Variants in CFAP70 observed in about 807,000 individuals in gnomAD.
CFAP70 encodes cilia- and flagella-associated protein 70.
A neutral mutation model predicts 137.6 loss-of-function variants in CFAP70; 81 were observed. The observed-to-expected ratio is 0.59, with a 90% CI of 0.49 to 0.71. The LOEUF (loss-of-function observed/expected upper bound fraction) is 0.71. CFAP70 is among the 30% of genes least tolerant of loss of function. The probability of loss-of-function intolerance (pLI) is 0.00; values close to 1 mark genes in which losing one functional copy is unlikely to be tolerated. For synonymous variants in CFAP70, 382 were observed against 423.6 expected, an observed-to-expected ratio of 0.90 and a Z score of 1.20; for missense variants, 976 against 1,226.7, an observed-to-expected ratio of 0.80 and a Z score of 3.05.
chr10:73,306,989 T>C (rs1402864357), intron 12 of CFAP70, among the ~76,000 whole-genome samples: 1 of 152,174 alleles, frequency 6.6e-6, no homozygotes, highest in Non-Finnish European at 1.5e-5. Flanking sequence ...CTCTTTTTTT[T>C]GATGACAAAT....
intron 21 of CFAP70, chr10:73,277,017 T>C (rs901333425): frequency 2.6e-5 from 10 of 380,558 alleles, no homozygotes; most frequent in Non-Finnish European, 3.3e-5. Context: ...TTTAGCTCTG[T>C]TGGTATTCTA....
exon 25 of CFAP70, chr10:73,269,639 G>C: frequency 6.2e-7 from 1 of 1,613,280 alleles, no homozygotes; most frequent in Non-Finnish European, 8.5e-7. Flanking sequence ...AGCCAGATAT[G>C]CCCATACTTC....
At chr10:73,280,609 G>A (rs1382901811) in intron 19 of CFAP70, among the ~76,000 whole-genome samples, 1 of 152,112 alleles carries the variant, frequency 6.6e-6, no homozygotes, top group Non-Finnish European at 1.5e-5. Flanking sequence ...AGGAGATATA[G>A]GGCTATTCAG....
At chr10:73,327,684 T>C (rs1479960023) in intron 8 of CFAP70, among the ~76,000 whole-genome samples, 1 of 152,078 alleles carries the variant, frequency 6.6e-6, no homozygotes, top group Non-Finnish European at 1.5e-5. Context: ...AGCATTCTTA[T>C]ACACCAATAA....
At chr10:73,291,984 G>A (rs267602572) in exon 17 of CFAP70, 14 of 1,614,174 alleles carry the variant, frequency 8.7e-6, no homozygotes, top group Non-Finnish European at 1.1e-5. Flanking sequence ...TCCAACCAGT[G>A]ATCCAGATTC....
rs539417737 is a variant in CFAP70, at chr10:73,284,739, CATATATATATATAT to C, written c.2240-6416_2240-6403del. On this transcript the variant is annotated intron_variant, in intron 19 of 26. Transcript: ENST00000310715. Reference sequence around the variant, plus strand: ...CCTATGGGCCATATATGACCTGCCACATATATATATATATATATATATATATATATATATATATA... The same window carrying C: ...CCTATGGGCCATATATGACCTGCCACATATATATATATATATATATATATA... 4.2e-3 allele frequency among the ~76,000 whole-genome samples: 116 copies of C among 27,402 alleles called. 3 individuals are homozygous for C. Among genetic ancestry groups the C allele is most frequent in the East Asian group, 5.9e-3 (2 of 338 alleles). 18.0% of individuals were successfully genotyped at this position (27,402 alleles called of 152,430 possible). A position where few individuals can be genotyped will look rare whatever the true frequency, so the allele number is the denominator to read the frequency against.
intron 13 of CFAP70, 146 bp from the exon 15 acceptor site, chr10:73,299,247 G>A (rs1357583902): frequency 8.8e-6 from 6 of 682,068 alleles, no homozygotes; most frequent in African/African-American, 1.8e-5. Context: ...GGTCTCTCTC[G>A]CCCAGGCTGG....
chr10:73,262,395 GTAT>G (rs2045342995), intron 25 of CFAP70, among the ~76,000 whole-genome samples: 1 of 152,014 alleles, frequency 6.6e-6, no homozygotes, highest in African/African-American at 2.4e-5. Flanking sequence ...CACAGTGCTT[GTAT>G]TCAAGCCACC....
At chr10:73,267,578 A>T (rs1371205125) in intron 25 of CFAP70, among the ~76,000 whole-genome samples, 4 of 152,258 alleles carry the variant, frequency 2.6e-5, no homozygotes, top group South Asian at 2.1e-4. Flanking sequence ...GGATGTGGAC[A>T]TGACAGCATA....
chr10:73,288,724 T>G (rs1390454973), intron 19 of CFAP70, among the ~76,000 whole-genome samples: 1 of 152,210 alleles, frequency 6.6e-6, no homozygotes, highest in Admixed American at 6.5e-5. Context: ...GGGTATGGCA[T>G]ATGACTTCTC....
intron 25 of CFAP70, among the ~76,000 whole-genome samples, chr10:73,257,876 CTTTTT>C (rs745485451): frequency 1.5e-5 from 2 of 129,926 alleles, no homozygotes; most frequent in Non-Finnish European, 1.6e-5. Flanking sequence ...CCTTTTCCTT[CTTTTT>C]TTTTTTTTTT....
At chr10:73,277,028 C>A in intron 21 of CFAP70, 1 of 417,792 alleles carries the variant, frequency 2.4e-6, no homozygotes, top group Non-Finnish European at 4.2e-6. Flanking sequence ...TGGTATTCTA[C>A]AGGGAGCAGA....
At chr10:73,328,220 G>C (rs1398986581) in intron 8 of CFAP70, among the ~76,000 whole-genome samples, 12 of 152,134 alleles carry the variant, frequency 7.9e-5, no homozygotes, top group Non-Finnish European at 8.8e-5. Flanking sequence ...ACAAACCTGA[G>C]AAAAACAAGC....
chr10:73,323,092 A>G, exon 9 of CFAP70: 2 of 1,612,310 alleles, frequency 1.2e-6, no homozygotes, highest in Non-Finnish European at 1.7e-6. Flanking sequence ...GAGCTTCTTC[A>G]TCAGTCTAAA....
chr10:73,290,764 A>G (rs919733968), intron 19 of CFAP70, among the ~76,000 whole-genome samples: 1 of 152,020 alleles, frequency 6.6e-6, no homozygotes, highest in African/African-American at 2.4e-5. Context: ...GTGAGGGGGG[A>G]AAAATGAAAT....
intron 2 of CFAP70, 102 bp downstream of exon 2, chr10:73,354,632 T>G (rs1002283655): frequency 2.2e-6 from 2 of 899,768 alleles, no homozygotes; most frequent in East Asian, 2.6e-5. Context: ...CACTGCTACA[T>G]AAAGCCAGGA....
intron 15 of CFAP70, chr10:73,295,344 AAAGAAATG>A (rs2048461157): frequency 6.7e-6 from 1 of 148,790 alleles, no homozygotes; most frequent in African/African-American, 2.5e-5. Context: ...AAAGAGAAAG[AAAGAAATG>A]AAGGAAGGAA....
At chr10:73,324,837 G>A (rs1256706045) in intron 8 of CFAP70, among the ~76,000 whole-genome samples, 1 of 152,172 alleles carries the variant, frequency 6.6e-6, no homozygotes, top group Non-Finnish European at 1.5e-5. Flanking sequence ...GGGACTATGT[G>A]AAAAGACCAA....
At chr10:73,284,557 T>C (rs1212844596) in intron 19 of CFAP70, among the ~76,000 whole-genome samples, 1 of 151,490 alleles carries the variant, frequency 6.6e-6, no homozygotes, top group African/African-American at 2.4e-5. Context: ...ATTTGTTCTC[T>C]CTGCTTTTTA....
Sources: gnomAD v4.1 joint callset for allele counts (sites outside exome capture counted in the v4.1 genomes callset) on GRCh38, gnomAD v4.1.1 for gene constraint, MANE v1.5 for transcripts, NCBI Gene and HGNC (gene_info 2026-07-23, HGNC 2026-07-21) for gene names.